The following GNAI2 variants were observed in gnomAD, a reference collection of about 807,000 sequenced individuals.
GNAI2 encodes G protein subunit alpha i2.
A neutral mutation model predicts 36.8 loss-of-function variants in GNAI2; 4 were observed. The observed-to-expected ratio is 0.11, with a 90% CI of 0.05 to 0.25. The LOEUF is 0.25. GNAI2 is among the 10% of genes least tolerant of loss of function. GNAI2 has a pLI of 1.00. For synonymous variants in GNAI2, 194 were observed against 194.1 expected (o/e 1.00, Z 0.01); for missense variants, 230 against 481.3 (o/e 0.48, Z 4.89).
At position 50,252,420 on chromosome 3, in the gene GNAI2, C is replaced by G; in HGVS notation, c.185C>G (p.Ser62Cys). The change falls in exon 3 of 9, where the codon TCC (serine) becomes TGC (cysteine). Residue 62 changes from serine to cysteine, a missense_variant. Ser to Cys is a moderately radical substitution (Grantham distance 112). This residue lies in a region of GNAI2 where 132 missense variants were observed against 247.4 expected (regional missense o/e 0.53). Transcript: ENST00000313601. This position sits in a 1 kb window ranked among gnomAD's most constrained non-coding sequence, Gnocchi z 4.1. ...QMKIIHEDGY[S>C]EEECRQYRAV... ...AGGATCATCCACGAGGATGGCTACTCCGAGGAGGAATGCCGGCAGTACCGG... is the reference window on the plus strand; with the variant it reads ...AGGATCATCCACGAGGATGGCTACTGCGAGGAGGAATGCCGGCAGTACCGG... 1 of 1,613,758 alleles carries G rather than the reference C, an allele frequency of 6.2e-7. No homozygotes were observed. The highest frequency in any genetic ancestry group is 8.5e-7 in the Non-Finnish European group (1 of 1,179,962).
In GNAI2 at chr3:50,257,503, C is replaced by T. The variant is rs782419644; in HGVS notation, c.881C>T (p.Ala294Val). ...GTCTTCATTTTCTCTCCCCCAGGGG[C>T]CAACAAATATGATGAGGCAGCCAGC... ...LTICFPEYTG[A>V]NKYDEAASYI... The change falls in exon 8 of 9, where the codon GCC (alanine) becomes GTC (valine). Residue 294 changes from alanine to valine, a missense_variant. By Grantham distance (64) the Ala-to-Val change is moderately conservative (BLOSUM62 0). Coordinates refer to ENST00000313601, the MANE Select transcript of GNAI2 (RefSeq NM_002070.4). 5 of 1,555,014 alleles carry T rather than the reference C, an allele frequency of 3.2e-6. No homozygotes were observed. Among genetic ancestry groups the T allele is most frequent in the Non-Finnish European group, 2.6e-6 (3 of 1,146,530 alleles).
At chr3:50,245,966 G>C (rs1700409813) in intron 1 of GNAI2, among the ~76,000 whole-genome samples, 1 of 152,214 alleles carries the variant, frequency 6.6e-6, no homozygotes, top group Non-Finnish European at 1.5e-5. Context: ...GAGTCTGTTG[G>C]TCTGTTCAGG....
At chr3:50,237,455 T>C (rs587657541) in intron 1 of GNAI2, among the ~76,000 whole-genome samples, 3 of 152,304 alleles carry the variant, frequency 2.0e-5, no homozygotes, top group African/African-American at 7.2e-5. Flanking sequence ...AGCCGACATA[T>C]TGCTGCCCCT....
chr3:50,241,470 T>C lies in GNAI2; in HGVS notation c.118+5017T>C, dbSNP rs782528191. Among the ~76,000 whole-genome samples the C allele has an allele frequency of 5.3e-5, 8 of 152,176 alleles. No homozygotes were observed. Among genetic ancestry groups the C allele is most frequent in the Non-Finnish European group, 1.0e-4 (7 of 68,014 alleles). On this transcript the variant is annotated intron_variant, in intron 1 of 8. Coordinates refer to ENST00000313601, the MANE Select transcript of GNAI2 (RefSeq NM_002070.4). This position sits in a 1 kb window ranked among gnomAD's most constrained non-coding sequence, Gnocchi z 5.0. ...TTCTGCTAGGCTCAGCCCCTGCCTC[T>C]CACGCCAGTGTCAGTGCAGCCAACA...
At chr3:50,243,740 G>A (rs1553701408) in intron 1 of GNAI2, among the ~76,000 whole-genome samples, 1 of 152,202 alleles carries the variant, frequency 6.6e-6, no homozygotes, top group Non-Finnish European at 1.5e-5. Context: ...CTTAAACAGG[G>A]AACAGAGATG....
rs1234300850 is a variant in GNAI2, at chr3:50,238,104, GTC to G, written c.118+1655_118+1656del. ...TTGCGTTGGGCGCTTGCCTCTTCCT[GTC>G]TCTGCTGTGAGTGCGGCAGCGGCAG... On this transcript the variant is annotated intron_variant, in intron 1 of 8. Transcript: ENST00000313601. The surrounding 1 kb of genome is among the most constrained non-coding windows in gnomAD (Gnocchi z 5.0). The G allele has an allele frequency of 6.6e-6, 1 of 152,260 alleles. No homozygotes were observed. The highest frequency in any genetic ancestry group is 2.4e-5 in the African/African-American group (1 of 41,454). The allele number at this position is 152,260 out of a possible 1,614,324, so 9.4% of individuals were successfully genotyped here.
At chr3:50,239,915 C>T (rs587752340) in intron 1 of GNAI2, 6 of 152,370 alleles carry the variant, frequency 3.9e-5, no homozygotes, top group African/African-American at 1.4e-4. Context: ...CAGACCAGAG[C>T]AATGCTGTGA....
rs587738223 is a variant in GNAI2, at chr3:50,237,546, C to CT, written c.118+1094dup. 3.3e-3 allele frequency among the ~76,000 whole-genome samples: 505 copies of CT among 152,104 alleles called. 3 individuals are homozygous for CT. Among genetic ancestry groups the CT allele is most frequent in the African/African-American group, 0.012 (492 of 41,474 alleles). ...GGCTGCAAGGCCTGGGATGTAGCCTCTGAGAGTTGGGGGGCTTGTTGGATC... is the reference window on the plus strand; with the variant it reads ...GGCTGCAAGGCCTGGGATGTAGCCTCTTGAGAGTTGGGGGGCTTGTTGGATC... On this transcript the variant is annotated intron_variant, in intron 1 of 8. Transcript: ENST00000313601.
rs587730737 is a variant in GNAI2 at position 50,248,556 on chromosome 3, G to A, written c.119-3544G>A. On this transcript the variant is annotated intron_variant, in intron 1 of 8. Transcript: ENST00000313601. ...TCTCTGCTGGAGCTGCTCCTGGGCT[G>A]TGCCCCTGCCTCTGTCCCGTTGTTC... Among the ~76,000 whole-genome samples, 9 of 152,230 alleles carry A rather than the reference G, an allele frequency of 5.9e-5. 1 individual carries two copies. In the South Asian group the frequency reaches 6.2e-4, roughly 11 times the overall value.
At chr3:50,245,341 G>C (rs1208821590) in intron 1 of GNAI2, among the ~76,000 whole-genome samples, 1 of 152,222 alleles carries the variant, frequency 6.6e-6, no homozygotes, top group Non-Finnish European at 1.5e-5. Context: ...GTGGACACAA[G>C]GACAGCTGCT....
intron 1 of GNAI2, among the ~76,000 whole-genome samples, chr3:50,237,861 CAT>C (rs1248215016): frequency 3.9e-5 from 6 of 152,230 alleles, no homozygotes; most frequent in Non-Finnish European, 8.8e-5. Flanking sequence ...TCAGAACTGT[CAT>C]AGGGCTCCCA....
chr3:50,236,398 G>A lies in GNAI2; in HGVS notation c.63G>A (p.Lys21=). ...AAAERSKMID[K]NLREDGEKAA... ...CCGAGCGCTCTAAGATGATCGACAA[G>A]AACCTGCGGGAGGACGGAGAGAAGG... is the stretch of plus-strand genomic sequence containing the variant. Residue 21 remains lysine, a synonymous_variant, in exon 1 of 9, where the codon AAG becomes AAA. Transcript: ENST00000313601. The surrounding 1 kb of genome is among the most constrained non-coding windows in gnomAD (Gnocchi z 4.0). 1 of 1,578,520 alleles carries A rather than the reference G, an allele frequency of 6.3e-7. No individual in the cohort carries two copies. The highest frequency in any genetic ancestry group is 2.5e-5 in the East Asian group (1 of 39,992).
chr3:50,255,919 G>A lies in GNAI2; in HGVS notation c.465-273G>A, dbSNP rs781880786. On this transcript the variant is annotated intron_variant, in intron 4 of 8. Transcript: ENST00000313601. This position sits in a 1 kb window ranked among gnomAD's most constrained non-coding sequence, Gnocchi z 4.0. ...TACAAAAATTAGCTGGGCGGCAGGC[G>A]CCTGTAGTCCCAGCTACTCAGGAGG... 4.6e-5 allele frequency among the ~76,000 whole-genome samples: 7 copies of A among 151,798 alleles called. No individual in the cohort carries two copies. Among genetic ancestry groups the A allele is most frequent in the Admixed American group, 6.6e-5 (1 of 15,250 alleles).
At chr3:50,258,066 C>G (rs1553703552) in intron 8 of GNAI2, 1 of 191,094 alleles carries the variant, frequency 5.2e-6, no homozygotes, top group Non-Finnish European at 1.1e-5. Flanking sequence ...CAGCGGAGCC[C>G]AGCCCTGCTG....
At chr3:50,240,841 C>T (rs1292031463) in intron 1 of GNAI2, among the ~76,000 whole-genome samples, 2 of 149,728 alleles carry the variant, frequency 1.3e-5, no homozygotes, top group Admixed American at 6.7e-5. Context: ...ATCGCTTGAA[C>T]CTGGGAAGTG....
intron 1 of GNAI2, among the ~76,000 whole-genome samples, chr3:50,250,272 G>A (rs1553702246): frequency 1.3e-5 from 2 of 152,160 alleles, no homozygotes; most frequent in Non-Finnish European, 2.9e-5. Context: ...TATTGTTACT[G>A]CTTGTGTTCG....
chr3:50,245,929 G>C (rs1553701704), intron 1 of GNAI2, among the ~76,000 whole-genome samples: 2 of 152,268 alleles, frequency 1.3e-5, no homozygotes, highest in African/African-American at 2.4e-5. Context: ...GCAGCCGAGT[G>C]CCAGAGACTG....
chr3:50,251,872 A>G, intron 1 of GNAI2: 1 of 1,097,294 alleles, frequency 9.1e-7, no homozygotes, highest in Non-Finnish European at 1.2e-6. Context: ...AGGCCTGCAG[A>G]GAGTCTGCCA....
rs894855349 is a variant in GNAI2 at position 50,252,422 on chromosome 3, G to A, written c.187G>A (p.Glu63Lys). The A allele has an allele frequency of 1.9e-5, 31 of 1,613,768 alleles. No individual in the cohort carries two copies. The highest frequency in any genetic ancestry group is 4.5e-5 in the East Asian group (2 of 44,870). ...GATCATCCACGAGGATGGCTACTCC[G>A]AGGAGGAATGCCGGCAGTACCGGGC... is the stretch of plus-strand genomic sequence containing the variant. ...MKIIHEDGYS[E>K]EECRQYRAVV... The change falls in exon 3 of 9, where the codon GAG (glutamate) becomes AAG (lysine). Residue 63 changes from glutamate to lysine, a missense_variant. This residue lies in a region of GNAI2 where 132 missense variants were observed against 247.4 expected (regional missense o/e 0.53). Coordinates refer to ENST00000313601, the MANE Select transcript of GNAI2 (RefSeq NM_002070.4). The surrounding 1 kb of genome is among the most constrained non-coding windows in gnomAD (Gnocchi z 4.1).
Sources: gnomAD v4.1 joint callset for allele counts (sites outside exome capture counted in the v4.1 genomes callset) on GRCh38, gnomAD v4.1.1 for gene constraint, gnomAD v4.1.1 regional missense constraint, Gnocchi (gnomAD v3.1) non-coding constraint, MANE v1.5 for transcripts, NCBI Gene and HGNC (gene_info 2026-07-23, HGNC 2026-07-21) for gene names.